The following ITGB6 variants were observed in gnomAD, a reference collection of about 807,000 sequenced individuals.
ITGB6 encodes the protein integrin beta-6.
In ITGB6, 80 loss-of-function variants were observed where a neutral mutation model predicts 84.5. The observed-to-expected ratio is 0.95, with a 90% CI of 0.79 to 1.14. ITGB6 has a LOEUF of 1.14. Ranked by LOEUF, ITGB6 falls within the 50% of genes most tolerant of loss-of-function variation. The pLI, the probability that ITGB6 is intolerant of heterozygous loss-of-function variation, is 0.00. For missense variants in ITGB6, 1,006 were observed against 968.0 expected (o/e 1.04, Z -0.52); for synonymous variants, 383 against 354.9 (o/e 1.08, Z -0.89).
chr2:160,182,614 C>A (rs888005998), intron 4 of ITGB6, among the ~76,000 whole-genome samples: 4 of 152,068 alleles, frequency 2.6e-5, no homozygotes, highest in African/African-American at 9.7e-5. Context: ...CAAGGCAGGG[C>A]AACATTCAAA....
intron 4 of ITGB6, among the ~76,000 whole-genome samples, chr2:160,182,345 A>G (rs1283614476): frequency 6.6e-6 from 1 of 152,238 alleles, no homozygotes; most frequent in Non-Finnish European, 1.5e-5. Flanking sequence ...TTCATGAAGC[A>G]TACACAAGCA....
intron 4 of ITGB6, among the ~76,000 whole-genome samples, chr2:160,193,027 C>T (rs145665662): frequency 1.3e-5 from 2 of 152,256 alleles, no homozygotes; most frequent in Admixed American, 6.5e-5. Flanking sequence ...AACCCTGTCA[C>T]ACTACTGAAG....
At chr2:160,199,788 C>T (rs998454744) in intron 1 of ITGB6, among the ~76,000 whole-genome samples, 3 of 152,178 alleles carry the variant, frequency 2.0e-5, no homozygotes, top group African/African-American at 4.8e-5. Flanking sequence ...CATTAAAATG[C>T]CTGTGCAACC....
At chr2:160,153,714 T>C (rs967518169) in intron 7 of ITGB6, among the ~76,000 whole-genome samples, 3 of 151,780 alleles carry the variant, frequency 2.0e-5, no homozygotes, top group Non-Finnish European at 4.4e-5. Context: ...ATATCCAGAA[T>C]CTACAAAGAA....
chr2:160,195,303 G>C, intron 4 of ITGB6, 66 bp downstream of exon 4: 1 of 1,595,202 alleles, frequency 6.3e-7, no homozygotes, highest in South Asian at 1.1e-5. Flanking sequence ...GGCAAGTGCA[G>C]CTCAGAGCGG....
rs773511294 is a variant in ITGB6 at position 160,174,082 on chromosome 2, T to G, written c.651A>C (p.Thr217=). 2.5e-6 allele frequency: 4 copies of G among 1,613,108 alleles called. No homozygotes were observed. In the South Asian group the frequency reaches 4.4e-5, roughly 18 times the overall value. The change falls in exon 5 of 15, where the codon ACA becomes ACC. Residue 217 remains threonine, a synonymous_variant. Transcript: ENST00000283249. The part of the protein sequence containing the change: ...TFGFKHILPL[T]NDAERFNEIV... ...TTTCATTGAATCTTTCAGCATCATTTGTCAATGGCAAAATGTGCTTGAATC... is the reference window on the plus strand; with the variant it reads ...TTTCATTGAATCTTTCAGCATCATTGGTCAATGGCAAAATGTGCTTGAATC...
At chr2:160,155,588 C>G (rs1684595899) in intron 7 of ITGB6, among the ~76,000 whole-genome samples, 2 of 152,108 alleles carry the variant, frequency 1.3e-5, no homozygotes, top group African/African-American at 4.8e-5. Flanking sequence ...TCTATACCCT[C>G]TACTCAATTT....
At chr2:160,103,764 C>T (rs1696805994) in intron 14 of ITGB6, among the ~76,000 whole-genome samples, 1 of 152,098 alleles carries the variant, frequency 6.6e-6, no homozygotes, top group Admixed American at 6.5e-5. Flanking sequence ...TAAGCCTGTC[C>T]TGGAGGAATT....
intron 13 of ITGB6, among the ~76,000 whole-genome samples, chr2:160,111,105 G>A (rs1037941422): frequency 7.4e-5 from 4 of 54,272 alleles, no homozygotes; most frequent in African/African-American, 1.9e-4. Flanking sequence ...GCTCAGTAAT[G>A]AGGAGGCATT....
At chr2:160,168,114 G>A (rs759376743) in intron 7 of ITGB6, among the ~76,000 whole-genome samples, 4 of 152,232 alleles carry the variant, frequency 2.6e-5, no homozygotes, top group South Asian at 2.1e-4. Flanking sequence ...CAGGTTTCAA[G>A]TATGGAGCTT....
At chr2:160,169,083 G>C (rs1262305750) in intron 7 of ITGB6, 129 bp downstream of exon 7, 6 of 580,092 alleles carry the variant, frequency 1.0e-5, no homozygotes, top group East Asian at 2.7e-5. Context: ...TTAGCCAAGC[G>C]CCCAGTACAT....
intron 8 of ITGB6, among the ~76,000 whole-genome samples, chr2:160,141,269 A>G (rs952811507): frequency 6.6e-6 from 1 of 151,794 alleles, no homozygotes; most frequent in African/African-American, 2.4e-5. Context: ...GCAAAAAAAA[A>G]GGGGGGGTGA....
chr2:160,114,571 G>A (rs145117516), intron 12 of ITGB6, among the ~76,000 whole-genome samples: 7 of 152,342 alleles, frequency 4.6e-5, no homozygotes, highest in East Asian at 1.9e-4. Context: ...AGCACCCAGC[G>A]TGAGCAACGC....
chr2:160,117,241 CA>C (rs1036107790), intron 12 of ITGB6, among the ~76,000 whole-genome samples: 7 of 152,106 alleles, frequency 4.6e-5, no homozygotes, highest in African/African-American at 1.4e-4. Flanking sequence ...ACACCTATTC[CA>C]AAAGTAACCA....
chr2:160,157,724 T>A (rs1684675943), intron 7 of ITGB6, among the ~76,000 whole-genome samples: 1 of 108,934 alleles, frequency 9.2e-6, no homozygotes, highest in Non-Finnish European at 1.8e-5. Context: ...GAAAGAAATG[T>A]AGGAAGTAGC....
At position 160,112,467 on chromosome 2, in the gene ITGB6, A is replaced by C. The variant is rs372604243; in HGVS notation, c.1982-268T>G. On this transcript the variant is annotated intron_variant, in intron 12 of 14. Transcript: ENST00000283249. ...TACGGGCAGGATTGCAACAGGCTGAACGTACTTCAAGGCAGGTACCCACAG... is the reference window on the plus strand; with the variant it reads ...TACGGGCAGGATTGCAACAGGCTGACCGTACTTCAAGGCAGGTACCCACAG... Among the ~76,000 whole-genome samples the C allele has an allele frequency of 2.7e-4, 41 of 152,258 alleles. No individual in the cohort carries two copies. In the East Asian group the frequency reaches 3.7e-3, roughly 14 times the overall value.
At position 160,101,837 on chromosome 2, in the gene ITGB6, G is replaced by A; in HGVS notation, c.2269-3C>T. On this transcript the variant is annotated splice_polypyrimidine_tract_variant and splice_region_variant and intron_variant, in intron 14 of 14. Coordinates refer to ENST00000283249, the MANE Select transcript of ITGB6 (RefSeq NM_000888.5). Reference sequence around the variant, plus strand: ...CCTCTGTAGAGTGGATTGGTTCCCTGGAAAAAAAAAAAAGATTCAAGTGAA... The same window carrying A: ...CCTCTGTAGAGTGGATTGGTTCCCTAGAAAAAAAAAAAAGATTCAAGTGAA... The A allele has an allele frequency of 7.9e-7, 1 of 1,269,264 alleles. No homozygotes were observed. Among genetic ancestry groups the A allele is most frequent in the Non-Finnish European group, 1.0e-6 (1 of 955,854 alleles). 78.6% of individuals were successfully genotyped at this position (1,269,264 alleles called of 1,614,324 possible).
rs140967203 is a variant in ITGB6 at position 160,142,065 on chromosome 2, C to A, written c.1024G>T (p.Ala342Ser). The change falls in exon 8 of 15, where the codon GCA becomes TCA. Residue 342 changes from alanine (A) to serine (S), a missense_variant. Ala to Ser is a moderately conservative substitution (Grantham distance 99). Coordinates refer to ENST00000283249, the MANE Select transcript of ITGB6 (RefSeq NM_000888.5). The part of the protein sequence containing the change: ...QEQVHLYENY[A>S]KLIPGATVGL... ...ACTGTAGCTCCAGGAATAAGTTTTG[C>A]GTAATTCTGTAAACAGAAAAAGAGT... The A allele has an allele frequency of 1.7e-5, 27 of 1,590,620 alleles. No individual in the cohort carries two copies. The highest frequency in any genetic ancestry group is 2.3e-5 in the Non-Finnish European group (27 of 1,164,262).
At chr2:160,177,209 A>G (rs1175610057) in intron 4 of ITGB6, among the ~76,000 whole-genome samples, 2 of 151,974 alleles carry the variant, frequency 1.3e-5, no homozygotes, top group African/African-American at 4.8e-5. Context: ...AACATTTTGT[A>G]TTTCTTCTTT....
Sources: gnomAD v4.1 joint callset for allele counts (sites outside exome capture counted in the v4.1 genomes callset) on GRCh38, gnomAD v4.1.1 for gene constraint, MANE v1.5 for transcripts, NCBI Gene and HGNC (gene_info 2026-07-23, HGNC 2026-07-21) for gene names.